Variants in KDM4C observed in about 807,000 individuals in gnomAD.
KDM4C encodes lysine-specific demethylase 4C.
Under a neutral mutation model 129.3 loss-of-function variants are expected in KDM4C, and 81 were observed. The ratio of observed to expected loss-of-function variants is 0.63; its 90% CI spans 0.52 to 0.75. KDM4C has a LOEUF of 0.75. Among genes scored for constraint, KDM4C ranks in the 30% least tolerant of loss-of-function variants. KDM4C has a pLI of 0.00. For synonymous variants in KDM4C, 573 were observed against 456.1 expected (o/e 1.26, Z -3.26); for missense variants, 1,457 against 1,304.0 (o/e 1.12, Z -1.81).
chr9:7,122,625 G>A (rs560322536), intron 18 of KDM4C, among the ~76,000 whole-genome samples: 1 of 152,208 alleles, frequency 6.6e-6, no homozygotes, highest in East Asian at 1.9e-4. Context: ...TCATGAATAT[G>A]GACATATGCT....
At chr9:6,769,750 G>C (rs1263046698) in intron 1 of KDM4C, among the ~76,000 whole-genome samples, 1 of 152,172 alleles carries the variant, frequency 6.6e-6, no homozygotes, top group African/African-American at 2.4e-5. Flanking sequence ...CCAAGAGCAA[G>C]CACATGGAGA....
intron 19 of KDM4C, among the ~76,000 whole-genome samples, chr9:7,136,606 A>G (rs1436861487): frequency 1.3e-5 from 2 of 152,252 alleles, no homozygotes; most frequent in Non-Finnish European, 2.9e-5. Context: ...TCAAGTGCTT[A>G]TTAGCCATTC....
chr9:6,890,967 C>G lies in KDM4C; in HGVS notation c.784-2128C>G, dbSNP rs960838085. Among the ~76,000 whole-genome samples, 5 of 152,302 alleles carry G rather than the reference C, an allele frequency of 3.3e-5. No individual in the cohort carries two copies. In the South Asian group the frequency reaches 6.2e-4, roughly 19 times the overall value. ...AACTGAGCTCATTGCAGCAGAACAT[C>G]TTCTGGGGTTTCTTTGGCACGGGAC... On this transcript the variant is annotated intron_variant, in intron 7 of 21. Transcript: ENST00000381309.
chr9:7,015,787 C>A, intron 14 of KDM4C, 66 bp from the exon 15 acceptor site: 2 of 1,078,504 alleles, frequency 1.9e-6, no homozygotes, highest in Non-Finnish European at 2.9e-6. Context: ...TATTTCAGTA[C>A]TGAGATCTGC....
At chr9:6,837,662 C>G (rs748840933) in intron 4 of KDM4C, among the ~76,000 whole-genome samples, 1 of 152,096 alleles carries the variant, frequency 6.6e-6, no homozygotes, top group African/African-American at 2.4e-5. Context: ...GAACTGTCCT[C>G]TATTTTTCTA....
At chr9:6,886,499 CTT>C (rs36095385) in intron 6 of KDM4C, among the ~76,000 whole-genome samples, 2 of 133,186 alleles carry the variant, frequency 1.5e-5, no homozygotes. Context: ...TTCTTTTTTC[CTT>C]TTTTTTTTTT....
chr9:6,920,143 G>A (rs1821209907), intron 8 of KDM4C, among the ~76,000 whole-genome samples: 1 of 152,104 alleles, frequency 6.6e-6, no homozygotes, highest in South Asian at 2.1e-4. Context: ...AATTTGGTGG[G>A]CAGGGGGCTA....
At chr9:7,065,291 T>A (rs1037192283) in intron 17 of KDM4C, among the ~76,000 whole-genome samples, 11 of 152,098 alleles carry the variant, frequency 7.2e-5, no homozygotes, top group Admixed American at 4.6e-4. Context: ...GAATATAAAA[T>A]ATATTCCATC....
At chr9:6,907,771 A>G (rs888284342) in intron 8 of KDM4C, among the ~76,000 whole-genome samples, 2 of 152,236 alleles carry the variant, frequency 1.3e-5, no homozygotes, top group South Asian at 2.1e-4. Flanking sequence ...ATATTCAGAT[A>G]AAATGGCGTT....
intron 12 of KDM4C, among the ~76,000 whole-genome samples, chr9:7,002,168 C>T (rs1820847266): frequency 6.6e-6 from 1 of 152,218 alleles, no homozygotes; most frequent in African/African-American, 2.4e-5. Context: ...GCTGGGATTA[C>T]AGGCATGAGC....
At chr9:6,794,214 T>G (rs572230182) in intron 2 of KDM4C, among the ~76,000 whole-genome samples, 1 of 152,230 alleles carries the variant, frequency 6.6e-6, no homozygotes, top group Admixed American at 6.5e-5. Flanking sequence ...ACAGACGATG[T>G]TCCTGCCCCC....
rs544540898 is a variant in KDM4C, at chr9:6,832,759, C to G, written c.436-16748C>G. 7.8e-4 allele frequency among the ~76,000 whole-genome samples: 79 copies of G among 100,678 alleles called. 1 individual carries two copies. Among genetic ancestry groups the G allele is most frequent in the African/African-American group, 3.1e-3 (78 of 25,082 alleles). The allele number at this position is 100,678 out of a possible 152,430, so 66.0% of individuals were successfully genotyped here. The stretch of plus-strand genomic sequence containing the variant: ...TTTTTTTTACGGAGATGGAGTTTTG[C>G]TCTTGTTGCCCAAGCTAGAGTGCAA... On this transcript the variant is annotated intron_variant, in intron 4 of 21. Transcript: ENST00000381309.
intron 4 of KDM4C, among the ~76,000 whole-genome samples, chr9:6,847,915 C>G (rs541733119): frequency 8.5e-5 from 13 of 152,288 alleles, no homozygotes; most frequent in African/African-American, 2.9e-4. Context: ...ATTAGAAAAT[C>G]ATTTAAAGAC....
intron 8 of KDM4C, among the ~76,000 whole-genome samples, chr9:6,950,115 A>G (rs1461779295): frequency 7.3e-6 from 1 of 136,316 alleles, no homozygotes; most frequent in Non-Finnish European, 1.5e-5. Context: ...GATATAGTGG[A>G]CAAATAAAAA....
intron 1 of KDM4C, among the ~76,000 whole-genome samples, chr9:6,721,497 T>C (rs1408399748): frequency 6.6e-6 from 1 of 151,826 alleles, no homozygotes; most frequent in Non-Finnish European, 1.5e-5. Flanking sequence ...TTGGGCAGGC[T>C]GGTCTCAAAC....
At chr9:6,736,210 C>T (rs1220271142) in intron 1 of KDM4C, among the ~76,000 whole-genome samples, 1 of 152,134 alleles carries the variant, frequency 6.6e-6, no homozygotes, top group Non-Finnish European at 1.5e-5. Flanking sequence ...GCATAAAAGA[C>T]TGGAAAATTG....
intron 6 of KDM4C, among the ~76,000 whole-genome samples, chr9:6,881,674 T>C (rs1844479353): frequency 6.6e-6 from 1 of 152,226 alleles, no homozygotes; most frequent in Non-Finnish European, 1.5e-5. Flanking sequence ...GGTTACCGTT[T>C]GTTTAATCAG....
At chr9:7,041,475 T>A (rs1188819562) in intron 15 of KDM4C, among the ~76,000 whole-genome samples, 1 of 152,052 alleles carries the variant, frequency 6.6e-6, no homozygotes, top group Non-Finnish European at 1.5e-5. Flanking sequence ...ACTCTGCCAA[T>A]TCCAGTTTGC....
At chr9:6,841,666 C>T (rs546897789) in intron 4 of KDM4C, among the ~76,000 whole-genome samples, 1 of 152,286 alleles carries the variant, frequency 6.6e-6, no homozygotes, top group Non-Finnish European at 1.5e-5. Context: ...TCATCCAGGG[C>T]TGCTTCCACA....
Sources: gnomAD v4.1 joint callset for allele counts (sites outside exome capture counted in the v4.1 genomes callset) on GRCh38, gnomAD v4.1.1 for gene constraint, MANE v1.5 for transcripts, NCBI Gene and HGNC (gene_info 2026-07-23, HGNC 2026-07-21) for gene names.